FBLN1: variants seen among roughly 807,000 people sequenced by gnomAD.
FBLN1 encodes the protein fibulin 1, also known as fibulin-1.
In FBLN1, 34 loss-of-function variants were observed where a neutral mutation model predicts 89.7. The ratio of observed to expected loss-of-function variants is 0.38; its 90% CI spans 0.29 to 0.50. FBLN1 has a LOEUF of 0.50. Among genes scored for constraint, FBLN1 ranks in the 20% least tolerant of loss-of-function variants. The pLI is 0.92. For synonymous variants in FBLN1, 393 were observed against 391.3 expected (o/e 1.00, Z -0.05); for missense variants, 777 against 988.1 (o/e 0.79, Z 2.86).
Position 45,574,790 on chromosome 22 carries a change from T to C in FBLN1, c.1840+137T>C. 1 of 821,774 alleles carries C rather than the reference T, an allele frequency of 1.2e-6. No individual in the cohort carries two copies. The highest frequency in any genetic ancestry group is 1.8e-6 in the Non-Finnish European group (1 of 540,570). 50.9% of individuals were successfully genotyped at this position (821,774 alleles called of 1,614,324 possible). A position where few individuals can be genotyped will look rare whatever the true frequency, so the allele number is the denominator to read the frequency against. On this transcript the variant is annotated intron_variant, in intron 15 of 16. Transcript: ENST00000327858. This position sits in a 1 kb window ranked among gnomAD's most constrained non-coding sequence, Gnocchi z 4.1. The stretch of plus-strand genomic sequence containing the variant: ...ATGCAGAACTTTCTTTTTTTTTTTT[T>C]TTTTTTTTTGAGACGGAGTCTCGCT...
intron 2 of FBLN1, chr22:45,523,222 G>A: frequency 1.3e-6 from 1 of 761,684 alleles, no homozygotes; most frequent in South Asian, 1.4e-5. Context: ...CAGCAAGGCG[G>A]CCAGGGTGGC....
chr22:45,517,271 A>C, intron 1 of FBLN1: 1 of 290,728 alleles, frequency 3.4e-6, no homozygotes. Context: ...GTTTTGTAAC[A>C]TCCTGCCGAG....
intron 1 of FBLN1, among the ~76,000 whole-genome samples, chr22:45,508,864 A>G (rs561224227): frequency 3.4e-4 from 52 of 152,280 alleles, no homozygotes; most frequent in African/African-American, 1.3e-3. Context: ...TCTGGCTCAG[A>G]CTCATGGCAC....
chr22:45,551,554 T>C (rs2088701487), intron 14 of FBLN1, among the ~76,000 whole-genome samples: 1 of 152,254 alleles, frequency 6.6e-6, no homozygotes. Context: ...ATATTCTTCC[T>C]GGCTTTGCGA....
At chr22:45,510,651 C>T (rs1042694410) in intron 1 of FBLN1, among the ~76,000 whole-genome samples, 2 of 152,120 alleles carry the variant, frequency 1.3e-5, no homozygotes, top group African/African-American at 2.4e-5. Flanking sequence ...TGGAAGCTTC[C>T]ACCCAAGGAG....
intron 2 of FBLN1, among the ~76,000 whole-genome samples, chr22:45,520,268 G>C (rs553039921): frequency 1.3e-5 from 2 of 152,334 alleles, no homozygotes; most frequent in African/African-American, 4.8e-5. Flanking sequence ...CCAGAGCAGA[G>C]TATAAGGGGC....
At position 45,576,839 on chromosome 22, in the gene FBLN1, C is replaced by G; in HGVS notation, c.1841-138C>G. On this transcript the variant is annotated intron_variant, in intron 15 of 16. Transcript: ENST00000327858. This position sits in a 1 kb window ranked among gnomAD's most constrained non-coding sequence, Gnocchi z 5.2. The stretch of plus-strand genomic sequence containing the variant: ...TCCACCCTCCCCACACAGGGGATCT[C>G]TGGCTTCATTGATGTTGTCTCATGA... 2.0e-6 allele frequency: 2 copies of G among 1,001,762 alleles called. No individual in the cohort carries two copies. The highest frequency in any genetic ancestry group is 1.4e-5 in the South Asian group (1 of 73,172). 62.1% of individuals were successfully genotyped at this position (1,001,762 alleles called of 1,614,324 possible).
chr22:45,585,773 TG>T (rs1363014147), intron 16 of FBLN1, among the ~76,000 whole-genome samples: 3 of 152,014 alleles, frequency 2.0e-5, no homozygotes, highest in Non-Finnish European at 4.4e-5. Flanking sequence ...GACTGGGAGA[TG>T]GAAGGAGAAC....
At chr22:45,513,564 A>C (rs948756503) in intron 1 of FBLN1, among the ~76,000 whole-genome samples, 2 of 151,440 alleles carry the variant, frequency 1.3e-5, no homozygotes, top group African/African-American at 4.9e-5. Context: ...ATACAGTCAC[A>C]TTATTGTACA....
chr22:45,531,324 G>A lies in FBLN1; in HGVS notation c.544G>A (p.Gly182Arg). The change falls in exon 5 of 17, where the codon GGA becomes AGA. Residue 182 changes from glycine (G) to arginine (R), a missense_variant and splice_region_variant. Physicochemically the swap from Gly to Arg is moderately radical, Grantham distance 125. Coordinates refer to ENST00000327858, the MANE Select transcript of FBLN1 (RefSeq NM_006486.3). The surrounding 1 kb of genome is among the most constrained non-coding windows in gnomAD (Gnocchi z 4.9). ...EDPYLNDRCR[G>R]GGPCKQQCRD... Reference sequence around the variant, plus strand: ...CCCATATCTGAATGACCGCTGCCGAGGTGAGACTCGGGCGTCTCCCATCAG... The same window carrying A: ...CCCATATCTGAATGACCGCTGCCGAAGTGAGACTCGGGCGTCTCCCATCAG... 2 of 1,613,788 alleles carry A rather than the reference G, an allele frequency of 1.2e-6. No homozygotes were observed. Among genetic ancestry groups the A allele is most frequent in the Non-Finnish European group, 8.5e-7 (1 of 1,179,716 alleles).
At chr22:45,568,276 C>T (rs939492579) in intron 14 of FBLN1, among the ~76,000 whole-genome samples, 2 of 152,218 alleles carry the variant, frequency 1.3e-5, no homozygotes, top group African/African-American at 4.8e-5. Context: ...TAACAAAGTA[C>T]CATAGACTGG....
rs189134505 is a variant in FBLN1, at chr22:45,529,353, C to T, written c.484+1344C>T. Among the ~76,000 whole-genome samples the T allele has an allele frequency of 1.7e-4, 26 of 152,328 alleles. No homozygotes were observed. In the East Asian group the frequency reaches 4.4e-3, roughly 26 times the overall value. Reference sequence around the variant, plus strand: ...AGAGCGCTCTCAGCTGTGTGCCCCCCCGTTCTGTGTCCTCGCCCTGCATTT... The same window carrying T: ...AGAGCGCTCTCAGCTGTGTGCCCCCTCGTTCTGTGTCCTCGCCCTGCATTT... On this transcript the variant is annotated intron_variant, in intron 4 of 16. Coordinates refer to ENST00000327858, the MANE Select transcript of FBLN1 (RefSeq NM_006486.3).
At position 45,530,330 on chromosome 22, in the gene FBLN1, G is replaced by C. The variant is rs2088388245; in HGVS notation, c.485-935G>C. 6.6e-6 allele frequency among the ~76,000 whole-genome samples: 1 copy of C among 152,102 alleles called. No homozygotes were observed. Among genetic ancestry groups the C allele is most frequent in the South Asian group, 2.1e-4 (1 of 4,814 alleles). Reference sequence around the variant, plus strand: ...GTCTCTGGGCTTTTCTGCAGCTCCAGATGTTAGATGTTTTATCTCTCCGTC... The same window carrying C: ...GTCTCTGGGCTTTTCTGCAGCTCCACATGTTAGATGTTTTATCTCTCCGTC... On this transcript the variant is annotated intron_variant, in intron 4 of 16. Transcript: ENST00000327858. The surrounding 1 kb of genome is among the most constrained non-coding windows in gnomAD (Gnocchi z 5.4).
chr22:45,589,564 A>AG (rs2089118459), intron 16 of FBLN1, among the ~76,000 whole-genome samples: 1 of 152,292 alleles, frequency 6.6e-6, no homozygotes, highest in Admixed American at 6.5e-5. Context: ...GCCCTGCAGC[A>AG]GGGGGCCCCT....
intron 14 of FBLN1, among the ~76,000 whole-genome samples, chr22:45,555,248 C>CATATATATATATATATAAAATGGAATAT (rs2088770758): frequency 1.5e-5 from 2 of 135,126 alleles, no homozygotes; most frequent in Non-Finnish European, 3.0e-5. Flanking sequence ...ATGGAATATA[C>CATATATATATATATATAAAATGGAATAT]ATATATATAT....
Position 45,597,383 on chromosome 22 carries a change from CCTT to C in FBLN1, c.1973-2921_1973-2919del, listed in dbSNP as rs1226230238. Among the ~76,000 whole-genome samples, 3 of 152,204 alleles carry C rather than the reference CCTT, an allele frequency of 2.0e-5. No homozygotes were observed. Among genetic ancestry groups the C allele is most frequent in the East Asian group, 1.9e-4 (1 of 5,194 alleles). On this transcript the variant is annotated intron_variant, in intron 16 of 16. Transcript: ENST00000327858. This position sits in a 1 kb window ranked among gnomAD's most constrained non-coding sequence, Gnocchi z 4.2. ...TGATTCACAGGCTCACCCAGCCTCT[CCTT>C]CTCCTTCAAGCCCCAAACCTCTGAA...
intron 16 of FBLN1, among the ~76,000 whole-genome samples, chr22:45,594,841 G>C (rs1272807587): frequency 2.8e-5 from 4 of 145,394 alleles, no homozygotes; most frequent in Non-Finnish European, 5.9e-5. Flanking sequence ...TTGATGGATT[G>C]CTGAGTGGGT....
In FBLN1 at chr22:45,564,933, G is replaced by A. The variant is rs2088889089; in HGVS notation, c.1698-9578G>A. 1.2e-6 allele frequency: 2 copies of A among 1,614,164 alleles called. No individual in the cohort carries two copies. Among genetic ancestry groups the A allele is most frequent in the East Asian group, 2.2e-5 (1 of 44,888 alleles). ...GAACACCCCAGCGGGATCAAGTAAA[G>A]AGGACTGCAGGGTTCTTCCATGGAA... On this transcript the variant is annotated intron_variant, in intron 14 of 16. Coordinates refer to ENST00000327858, the MANE Select transcript of FBLN1 (RefSeq NM_006486.3).
chr22:45,592,614 C>T (rs992537767), intron 16 of FBLN1, among the ~76,000 whole-genome samples: 1 of 152,230 alleles, frequency 6.6e-6, no homozygotes, highest in South Asian at 2.1e-4. Flanking sequence ...AGGCGTGAGT[C>T]ACCACGCCCG....
Sources: gnomAD v4.1 joint callset for allele counts (sites outside exome capture counted in the v4.1 genomes callset) on GRCh38, gnomAD v4.1.1 for gene constraint, Gnocchi (gnomAD v3.1) non-coding constraint, MANE v1.5 for transcripts, NCBI Gene and HGNC (gene_info 2026-07-23, HGNC 2026-07-21) for gene names.